The following SLC41A2 variants were observed in gnomAD, a reference collection of about 807,000 sequenced individuals.
SLC41A2 encodes the protein solute carrier family 41 member 2, also known as SLC41A1-like 1.
SLC41A2 carries 32 observed loss-of-function variants against 58.3 expected under a neutral mutation model. The ratio of observed to expected loss-of-function variants is 0.55; its 90% CI spans 0.41 to 0.74. The LOEUF (loss-of-function observed/expected upper bound fraction) is 0.74. SLC41A2 is among the 30% of genes least tolerant of loss of function. SLC41A2 has a pLI of 0.00. For synonymous variants in SLC41A2, 190 were observed against 235.0 expected (o/e 0.81, Z 1.75); for missense variants, 514 against 680.6 (o/e 0.76, Z 2.72).
chr12:104,810,816 A>G (rs2041141402), intron 10 of SLC41A2, among the ~76,000 whole-genome samples: 1 of 152,194 alleles, frequency 6.6e-6, no homozygotes. Flanking sequence ...AAAGTCCAAG[A>G]AACCTGCCCA....
At chr12:104,878,012 AAATT>A (rs569192275) in intron 6 of SLC41A2, among the ~76,000 whole-genome samples, 77 of 151,960 alleles carry the variant, frequency 5.1e-4, no homozygotes, top group African/African-American at 8.9e-4. Flanking sequence ...CTGTCTCAAA[AAATT>A]AATTAATTAA....
rs139350537 is a variant in SLC41A2, at chr12:104,812,004, AC to A, written c.1537-6668del. Among the ~76,000 whole-genome samples, 226 of 152,326 alleles carry A rather than the reference AC, an allele frequency of 1.5e-3. 5 individuals are homozygous for A. The East Asian group carries it at 0.039, about 26-fold the overall frequency. On this transcript the variant is annotated intron_variant, in intron 10 of 10. Coordinates refer to ENST00000258538, the MANE Select transcript of SLC41A2 (RefSeq NM_001352171.3). ...AGAAACTGAGTGGTAGAGATGCAGG[AC>A]TCAAGGACACTAGAAACTATGAGGT... is the stretch of plus-strand genomic sequence containing the variant.
At chr12:104,875,035 G>A (rs1301747520) in intron 6 of SLC41A2, among the ~76,000 whole-genome samples, 1 of 151,904 alleles carries the variant, frequency 6.6e-6, no homozygotes, top group Non-Finnish European at 1.5e-5. Context: ...CATTTTTATT[G>A]TAGAGATATT....
At chr12:104,859,270 A>G (rs1027137292) in intron 8 of SLC41A2, among the ~76,000 whole-genome samples, 1 of 152,182 alleles carries the variant, frequency 6.6e-6, no homozygotes, top group African/African-American at 2.4e-5. Context: ...GAAAAAAACC[A>G]CTGTTAAATT....
rs1565879504 is a variant in SLC41A2, at chr12:104,892,320, AT to A, written c.735+2953del. 2.9e-3 allele frequency among the ~76,000 whole-genome samples: 390 copies of A among 135,364 alleles called. 31 individuals are homozygous for A. The highest frequency in any genetic ancestry group is 0.011 in the African/African-American group (357 of 33,604). The allele number at this position is 135,364 out of a possible 152,430, so 88.8% of individuals were successfully genotyped here. A position where few individuals can be genotyped will look rare whatever the true frequency, so the allele number is the denominator to read the frequency against. ...CAAAAAAAAAATAAAATAAAATAAA[AT>A]AAAATAAAATAAAATATTGATGCAA... On this transcript the variant is annotated intron_variant, in intron 4 of 10. Coordinates refer to ENST00000258538, the MANE Select transcript of SLC41A2 (RefSeq NM_001352171.3).
At chr12:104,925,105 A>C (rs2046777946) in intron 2 of SLC41A2, among the ~76,000 whole-genome samples, 1 of 152,182 alleles carries the variant, frequency 6.6e-6, no homozygotes. Flanking sequence ...AGGACTAAAG[A>C]AGCAGTACTG....
At chr12:104,941,658 TGGATTGCATAAACAG>T (rs2047517562) in intron 1 of SLC41A2, among the ~76,000 whole-genome samples, 3 of 152,354 alleles carry the variant, frequency 2.0e-5, no homozygotes, top group Middle Eastern at 3.4e-3. Flanking sequence ...AAGAACTAAG[TGGATTGCATAAACAG>T]AGTACAGTTC....
chr12:104,893,750 G>T (rs2045134244), intron 4 of SLC41A2, among the ~76,000 whole-genome samples: 1 of 152,158 alleles, frequency 6.6e-6, no homozygotes, highest in African/African-American at 2.4e-5. Flanking sequence ...GAAATAAGCT[G>T]AGCAGAAAAA....
intron 8 of SLC41A2, among the ~76,000 whole-genome samples, chr12:104,860,769 G>A (rs555820169): frequency 3.2e-4 from 48 of 151,934 alleles, no homozygotes; most frequent in Admixed American, 9.2e-4. Flanking sequence ...ATAGAGATGG[G>A]GGTCTCACTA....
At chr12:104,835,910 C>T (rs939257394) in intron 10 of SLC41A2, among the ~76,000 whole-genome samples, 6 of 152,034 alleles carry the variant, frequency 3.9e-5, no homozygotes, top group Non-Finnish European at 8.8e-5. Context: ...GTGGCATGAT[C>T]TCAGCTCACT....
At chr12:104,905,767 C>T (rs2045814513) in intron 3 of SLC41A2, among the ~76,000 whole-genome samples, 1 of 152,258 alleles carries the variant, frequency 6.6e-6, no homozygotes, top group Admixed American at 6.5e-5. Context: ...TGCTAAGTCC[C>T]CCATTGCCCG....
At chr12:104,906,802 T>C (rs766839335) in intron 3 of SLC41A2, among the ~76,000 whole-genome samples, 4 of 152,224 alleles carry the variant, frequency 2.6e-5, no homozygotes, top group Non-Finnish European at 2.9e-5. Context: ...AGAATGCTTA[T>C]AAATATTTGA....
Position 104,958,245 on chromosome 12 carries a change from C to CT in SLC41A2, c.-326dup, listed in dbSNP as rs1020421612. The CT allele has an allele frequency of 3.3e-5, 5 of 151,322 alleles. No individual in the cohort carries two copies. Among genetic ancestry groups the CT allele is most frequent in the Non-Finnish European group, 5.9e-5 (4 of 67,806 alleles). The allele number at this position is 151,322 out of a possible 1,614,324, so 9.4% of individuals were successfully genotyped here. A position where few individuals can be genotyped will look rare whatever the true frequency, so the allele number is the denominator to read the frequency against. ...GACAGCGGCTCCCAGCCCACAGCTC[C>CT]TTCCTGCTCCCGCGCCTCCTCGCGC... is the stretch of plus-strand genomic sequence containing the variant. On this transcript the variant is annotated 5_prime_UTR_variant, in exon 1 of 11. Coordinates refer to ENST00000258538, the MANE Select transcript of SLC41A2 (RefSeq NM_001352171.3).
At chr12:104,830,378 T>C (rs1475633952) in intron 10 of SLC41A2, among the ~76,000 whole-genome samples, 5 of 152,220 alleles carry the variant, frequency 3.3e-5, no homozygotes, top group Admixed American at 3.3e-4. Flanking sequence ...AGATTACTTA[T>C]ATAATACCTA....
chr12:104,950,756 G>A (rs1357329283), intron 1 of SLC41A2, among the ~76,000 whole-genome samples: 1 of 152,162 alleles, frequency 6.6e-6, no homozygotes, highest in African/African-American at 2.4e-5. Context: ...AAGCAAAGCA[G>A]TACCCATTGA....
intron 6 of SLC41A2, among the ~76,000 whole-genome samples, chr12:104,884,049 C>T (rs1025166932): frequency 2.6e-5 from 4 of 152,220 alleles, no homozygotes; most frequent in African/African-American, 7.2e-5. Flanking sequence ...TCAGCAATGG[C>T]GGACGCCCCT....
At position 104,927,529 on chromosome 12, in the gene SLC41A2, C is replaced by T. The variant is rs374972693; in HGVS notation, c.555+444G>A. ...GAAAAGAGGCTGCAAGTGTATACAA[C>T]GAACACTTCACAATGATAATCTCTG... On this transcript the variant is annotated intron_variant, in intron 2 of 10. Transcript: ENST00000258538. Among the ~76,000 whole-genome samples the T allele has an allele frequency of 3.1e-4, 47 of 152,164 alleles. 1 individual carries two copies. Among genetic ancestry groups the T allele is most frequent in the African/African-American group, 9.2e-4 (38 of 41,526 alleles).
At chr12:104,860,238 G>A (rs1024871770) in intron 8 of SLC41A2, among the ~76,000 whole-genome samples, 13 of 151,924 alleles carry the variant, frequency 8.6e-5, no homozygotes, top group African/African-American at 2.9e-4. Context: ...CCTGTCAGGT[G>A]GGGGGCAAGG....
intron 8 of SLC41A2, among the ~76,000 whole-genome samples, chr12:104,849,596 G>A (rs1313214007): frequency 2.0e-5 from 3 of 152,202 alleles, no homozygotes; most frequent in Non-Finnish European, 4.4e-5. Context: ...GGGAAACTGA[G>A]GCAGGAGAAT....
Sources: gnomAD v4.1 joint callset for allele counts (sites outside exome capture counted in the v4.1 genomes callset) on GRCh38, gnomAD v4.1.1 for gene constraint, MANE v1.5 for transcripts, NCBI Gene and HGNC (gene_info 2026-07-23, HGNC 2026-07-21) for gene names.